Variants in SYNE2 observed in about 807,000 individuals in gnomAD.
The protein encoded by SYNE2 is spectrin repeat containing nuclear envelope protein 2.
Under a neutral mutation model 856.3 loss-of-function variants are expected in SYNE2, and 431 were observed. That is an observed-to-expected ratio of 0.50 (90% CI 0.47 to 0.55). The LOEUF is 0.55. Ranked by LOEUF, SYNE2 falls within the 20% of genes least tolerant of loss-of-function variation. SYNE2 has a pLI of 0.00. For synonymous variants in SYNE2, 2,923 were observed against 2,872.3 expected, an observed-to-expected ratio of 1.02 and a Z score of -0.56; for missense variants, 8,129 against 8,023.2, an observed-to-expected ratio of 1.01 and a Z score of -0.50.
At chr14:64,007,244 T>G (rs2096803515) in intron 31 of SYNE2, 22 bp downstream of exon 31, 11 of 1,610,902 alleles carry the variant, frequency 6.8e-6, no homozygotes, top group Non-Finnish European at 8.5e-6. Flanking sequence ...AAAGAATCCC[T>G]CTTGAATCTG....
At chr14:64,137,714 A>C in intron 78 of SYNE2, 73 bp from the exon 79 acceptor site, 2 of 1,488,568 alleles carry the variant, frequency 1.3e-6, no homozygotes, top group Non-Finnish European at 9.3e-7. Flanking sequence ...TCAGTTTTAA[A>C]TGCAGTATTT....
At chr14:64,167,958 A>G (rs1190054137) in intron 92 of SYNE2, among the ~76,000 whole-genome samples, 1 of 152,198 alleles carries the variant, frequency 6.6e-6, no homozygotes, top group Non-Finnish European at 1.5e-5. Flanking sequence ...ACTTCGACTC[A>G]TGTTTGTATT....
Position 64,212,014 on chromosome 14 carries a change from G to A in SYNE2, c.18777G>A (p.Val6259=). The part of the protein sequence containing the change: ...EFEGTRESIL[V]WLTEMDLQLT... ...AGGGCACCAGGGAGAGCATTCTGGT[G>A]TGGCTCACAGAGATGGACCTGCAGC... The change falls in exon 104 of 116, where the codon GTG becomes GTA. Residue 6259 remains valine, a synonymous_variant. Coordinates refer to ENST00000555002, the MANE Select transcript of SYNE2 (RefSeq NM_182914.3). 2 of 1,614,196 alleles carry A rather than the reference G, an allele frequency of 1.2e-6. No homozygotes were observed. The highest frequency in any genetic ancestry group is 1.7e-6 in the Non-Finnish European group (2 of 1,180,040).
intron 48 of SYNE2, among the ~76,000 whole-genome samples, chr14:64,054,941 A>G (rs1595174518): frequency 6.6e-6 from 1 of 152,364 alleles, no homozygotes; most frequent in East Asian, 1.9e-4. Flanking sequence ...TTCCTTAAAT[A>G]GTTTTGTAAT....
upstream of SYNE2, among the ~76,000 whole-genome samples, chr14:63,849,553 T>C (rs994472378): frequency 6.6e-6 from 1 of 152,284 alleles, no homozygotes; most frequent in African/African-American, 2.4e-5. Context: ...CAAATCTAGA[T>C]GGAACCCCAC....
intron 9 of SYNE2, among the ~76,000 whole-genome samples, chr14:63,962,139 C>G (rs928363950): frequency 1.3e-5 from 2 of 151,958 alleles, no homozygotes; most frequent in African/African-American, 4.8e-5. Context: ...TTACAGCAAC[C>G]TCTGTCTCCC....
chr14:64,098,518 G>A (rs1251825124), intron 62 of SYNE2: 15 of 604,718 alleles, frequency 2.5e-5, no homozygotes, highest in African/African-American at 9.3e-5. Context: ...TTCTTTAATC[G>A]TTTATGAAGG....
intron 11 of SYNE2, among the ~76,000 whole-genome samples, 189 bp from the exon 12 acceptor site, chr14:63,976,374 G>A (rs780860885): frequency 5.2e-4 from 79 of 152,016 alleles, no homozygotes; most frequent in Non-Finnish European, 1.3e-4. Flanking sequence ...TATTCCTGGT[G>A]AGCAAGTAGC....
intron 6 of SYNE2, among the ~76,000 whole-genome samples, chr14:63,944,130 T>A (rs2095974731): frequency 6.6e-6 from 1 of 151,290 alleles, no homozygotes; most frequent in African/African-American, 2.4e-5. Context: ...TACCACTCAC[T>A]ATAACTGCTA....
At chr14:64,074,731 A>G (rs2097443211) in intron 53 of SYNE2, among the ~76,000 whole-genome samples, 1 of 152,202 alleles carries the variant, frequency 6.6e-6, no homozygotes, top group African/African-American at 2.4e-5. Flanking sequence ...CTCCGTCTCT[A>G]CTAAAAATAC....
At chr14:64,114,309 G>T (rs532163330) in intron 66 of SYNE2, among the ~76,000 whole-genome samples, 2 of 152,260 alleles carry the variant, frequency 1.3e-5, no homozygotes, top group Admixed American at 1.3e-4. Flanking sequence ...TGTCACAAGA[G>T]CAGGGGCACG....
intron 112 of SYNE2, among the ~76,000 whole-genome samples, chr14:64,222,626 T>C (rs2098699816): frequency 6.6e-6 from 1 of 152,180 alleles, no homozygotes; most frequent in East Asian, 1.9e-4. Flanking sequence ...CCTGGGAGGC[T>C]GAGGCACGAG....
At chr14:63,853,822 AT>A (rs1478967891) in intron 1 of SYNE2, among the ~76,000 whole-genome samples, 4 of 152,024 alleles carry the variant, frequency 2.6e-5, no homozygotes, top group African/African-American at 9.7e-5. Flanking sequence ...TTATAATTCC[AT>A]TTTGATTGCT....
chr14:63,913,653 G>T (rs1211940110), intron 2 of SYNE2, among the ~76,000 whole-genome samples: 10 of 150,890 alleles, frequency 6.6e-5, no homozygotes, highest in African/African-American at 2.2e-4. Context: ...AGTAGAGAGG[G>T]GATTTCACCA....
intron 6 of SYNE2, among the ~76,000 whole-genome samples, chr14:63,944,517 CTTTT>C (rs1188374243): frequency 4.4e-5 from 4 of 90,128 alleles, no homozygotes; most frequent in South Asian, 3.5e-4. Context: ...TAAAGCCTTT[CTTTT>C]TTTTTTTTTT....
At chr14:64,206,572 T>C (rs114393403) in intron 100 of SYNE2, among the ~76,000 whole-genome samples, 2,079 of 152,102 alleles carry the variant, frequency 0.014, 52 homozygotes, top group African/African-American at 0.047. Flanking sequence ...GCTTTTTTTT[T>C]TTTAACCAAG....
intron 87 of SYNE2, among the ~76,000 whole-genome samples, chr14:64,161,834 C>G (rs377046709): frequency 2.6e-5 from 4 of 151,834 alleles, no homozygotes; most frequent in Non-Finnish European, 5.9e-5. Context: ...GTATTTGTTG[C>G]CAATCATACA....
chr14:63,795,912 T>A (rs2139780007), intron 1 of SYNE2, among the ~76,000 whole-genome samples: 1 of 152,334 alleles, frequency 6.6e-6, no homozygotes, highest in East Asian at 1.9e-4. Context: ...TTGCATTACA[T>A]TAAATGTTTA....
At chr14:64,084,232 A>C (rs1311330797) in intron 57 of SYNE2, 2 of 152,184 alleles carry the variant, frequency 1.3e-5, no homozygotes, top group African/African-American at 4.8e-5. Context: ...CCTGTTTTTT[A>C]AATCAAATTT....
Sources: allele counts gnomAD v4.1 joint callset (sites outside exome capture counted in the v4.1 genomes callset), GRCh38; gene constraint gnomAD v4.1.1; transcripts MANE v1.5; gene names NCBI Gene and HGNC (gene_info 2026-07-23, HGNC 2026-07-21).